Variants in EPHA6 observed in about 807,000 individuals in gnomAD.
EPHA6 encodes the protein EPH receptor A6, also known as ephrin type-A receptor 6.
EPHA6 carries 50 observed loss-of-function variants against 112.0 expected under a neutral mutation model. The ratio of observed to expected loss-of-function variants is 0.45; its 90% CI spans 0.36 to 0.56. The LOEUF (loss-of-function observed/expected upper bound fraction) is 0.56, where lower values mean the gene tolerates loss of function less well. Among genes scored for constraint, EPHA6 ranks in the 20% least tolerant of loss-of-function variants. The probability of loss-of-function intolerance (pLI) is 0.00; values close to 1 mark genes in which losing one functional copy is unlikely to be tolerated. For missense variants in EPHA6, 1,280 were observed against 1,417.4 expected, an observed-to-expected ratio of 0.90 and a Z score of 1.56; for synonymous variants, 529 against 490.7, an observed-to-expected ratio of 1.08 and a Z score of -1.03.
intron 2 of EPHA6, among the ~76,000 whole-genome samples, chr3:96,968,750 A>T (rs1292625294): frequency 1.3e-5 from 2 of 151,884 alleles, no homozygotes; most frequent in East Asian, 3.9e-4. Flanking sequence ...ATATTCAGGG[A>T]TAGATTTTTT....
chr3:97,158,529 A>G (rs916862866), intron 3 of EPHA6, among the ~76,000 whole-genome samples: 1 of 152,218 alleles, frequency 6.6e-6, no homozygotes, highest in African/African-American at 2.4e-5. Flanking sequence ...GATGGGCACC[A>G]GGGAGACAGG....
chr3:97,736,493 G>GTA, intron 16 of EPHA6, among the ~76,000 whole-genome samples: 1 of 151,712 alleles, frequency 6.6e-6, no homozygotes, highest in Admixed American at 6.6e-5. Flanking sequence ...GTGTGTGTGT[G>GTA]TGTGTGTGTG....
intron 3 of EPHA6, among the ~76,000 whole-genome samples, chr3:97,212,013 C>T (rs941084994): frequency 2.0e-4 from 30 of 152,098 alleles, no homozygotes; most frequent in African/African-American, 7.0e-4. Context: ...TAGTAAGTTA[C>T]TGGATGTATT....
intron 3 of EPHA6, among the ~76,000 whole-genome samples, chr3:97,145,104 T>A (rs1008863874): frequency 6.6e-5 from 10 of 151,520 alleles, no homozygotes; most frequent in African/African-American, 2.4e-4. Context: ...TAGAACTGTA[T>A]ATTTAATATA....
chr3:96,925,661 A>T (rs1327517989), intron 2 of EPHA6, among the ~76,000 whole-genome samples: 1 of 147,590 alleles, frequency 6.8e-6, no homozygotes, highest in Admixed American at 6.8e-5. Context: ...GCTGGAGTGC[A>T]GTGACGTGAT....
intron 2 of EPHA6, among the ~76,000 whole-genome samples, chr3:96,939,197 G>C (rs1362437753): frequency 1.3e-5 from 2 of 152,158 alleles, no homozygotes; most frequent in Admixed American, 1.3e-4. Context: ...GCTCCTCCTT[G>C]TACCTCTGGT....
At chr3:97,369,395 TG>T (rs1295649810) in intron 5 of EPHA6, among the ~76,000 whole-genome samples, 1 of 152,078 alleles carries the variant, frequency 6.6e-6, no homozygotes, top group Admixed American at 6.6e-5. Context: ...GAAAAGTGGG[TG>T]GAGGCAGATG....
At chr3:97,640,326 G>A (rs551440023) in intron 14 of EPHA6, among the ~76,000 whole-genome samples, 6 of 152,190 alleles carry the variant, frequency 3.9e-5, no homozygotes, top group South Asian at 2.1e-4. Context: ...TGGGGCCATA[G>A]GCAATGGAGG....
chr3:97,543,309 A>C (rs1036480781), intron 11 of EPHA6, among the ~76,000 whole-genome samples: 4 of 152,174 alleles, frequency 2.6e-5, no homozygotes, highest in Non-Finnish European at 4.4e-5. Context: ...AGCTTTCTAC[A>C]TATGGCTAGC....
chr3:97,123,218 T>G (rs180961342), intron 3 of EPHA6, among the ~76,000 whole-genome samples: 20 of 152,244 alleles, frequency 1.3e-4, no homozygotes, highest in African/African-American at 4.3e-4. Flanking sequence ...AAACTTGAGT[T>G]GCACTGAAGC....
chr3:97,716,673 C>A (rs1225491517), intron 14 of EPHA6, among the ~76,000 whole-genome samples: 1 of 151,844 alleles, frequency 6.6e-6, no homozygotes, highest in Non-Finnish European at 1.5e-5. Flanking sequence ...GGACTTCTTC[C>A]TTTCTGCCTC....
chr3:97,420,949 G>A (rs75312319), intron 6 of EPHA6, among the ~76,000 whole-genome samples: 7,098 of 151,992 alleles, frequency 0.047, 502 homozygotes, highest in African/African-American at 0.15. Flanking sequence ...CAGATAAAAG[G>A]AAAAGTTCCA....
intron 6 of EPHA6, among the ~76,000 whole-genome samples, chr3:97,448,279 C>T (rs2090416849): frequency 6.6e-6 from 1 of 152,088 alleles, no homozygotes; most frequent in South Asian, 2.1e-4. Flanking sequence ...TATTCTCACA[C>T]CACCATCATT....
intron 3 of EPHA6, among the ~76,000 whole-genome samples, chr3:97,016,790 AT>A (rs2044281290): frequency 6.6e-6 from 1 of 152,202 alleles, no homozygotes. Context: ...GTGTTCTAGA[AT>A]TATCACAGGC....
rs1318224573 is a variant in EPHA6, at chr3:97,750,201, T to C, written c.*1500T>C. Among the ~76,000 whole-genome samples, 3 of 152,110 alleles carry C rather than the reference T, an allele frequency of 2.0e-5. No individual in the cohort carries two copies. The highest frequency in any genetic ancestry group is 7.2e-5 in the African/African-American group (3 of 41,424). ...GAGTAGGTTGTCTAAAGATGCTGATTTAATAAATTAGCTTTTGTTGGATCT... is the reference window on the plus strand; with the variant it reads ...GAGTAGGTTGTCTAAAGATGCTGATCTAATAAATTAGCTTTTGTTGGATCT... On this transcript the variant is annotated 3_prime_UTR_variant, in exon 18 of 18. Transcript: ENST00000389672.
chr3:97,753,763 A>T lies in EPHA6; in HGVS notation c.*5062A>T, dbSNP rs1576405820. ...CATTTAACAGGGGAAATAGATGATTACTCCTGACTATAACATATTACTAAG... is the reference window on the plus strand; with the variant it reads ...CATTTAACAGGGGAAATAGATGATTTCTCCTGACTATAACATATTACTAAG... On this transcript the variant is annotated 3_prime_UTR_variant, in exon 18 of 18. Coordinates refer to ENST00000389672, the MANE Select transcript of EPHA6 (RefSeq NM_001080448.3). Among the ~76,000 whole-genome samples the T allele has an allele frequency of 6.6e-6, 1 of 152,242 alleles. No individual in the cohort carries two copies. The highest frequency in any genetic ancestry group is 1.9e-4 in the East Asian group (1 of 5,190).
At chr3:97,688,985 C>T (rs2032461084) in intron 14 of EPHA6, among the ~76,000 whole-genome samples, 1 of 151,986 alleles carries the variant, frequency 6.6e-6, no homozygotes, top group East Asian at 1.9e-4. Context: ...CATTAAAATG[C>T]TCAATATAGT....
intron 3 of EPHA6, among the ~76,000 whole-genome samples, chr3:97,029,967 C>T (rs1415864894): frequency 6.6e-6 from 1 of 152,060 alleles, no homozygotes; most frequent in Non-Finnish European, 1.5e-5. Context: ...CAAAAATATA[C>T]TTACCCTTTG....
chr3:97,324,304 A>AT (rs946453039), intron 5 of EPHA6, among the ~76,000 whole-genome samples: 7 of 152,024 alleles, frequency 4.6e-5, no homozygotes, highest in African/African-American at 1.7e-4. Context: ...CATCTAGATA[A>AT]TTTTTAGTCT....
Sources: allele counts gnomAD v4.1 joint callset (sites outside exome capture counted in the v4.1 genomes callset), GRCh38; gene constraint gnomAD v4.1.1; transcripts MANE v1.5; gene names NCBI Gene and HGNC (gene_info 2026-07-23, HGNC 2026-07-21).